The following AUH variants were observed in gnomAD, a reference collection of about 807,000 sequenced individuals.
AUH encodes the protein methylglutaconyl-CoA hydratase, mitochondrial.
In AUH, 29 loss-of-function variants were observed where a neutral mutation model predicts 42.3. The observed-to-expected ratio is 0.69, with a 90% CI of 0.51 to 0.93. The LOEUF (loss-of-function observed/expected upper bound fraction) is 0.93, where lower values mean the gene tolerates loss of function less well. Among genes scored for constraint, AUH ranks in the 40% least tolerant of loss-of-function variants. The pLI, the probability that AUH is intolerant of heterozygous loss-of-function variation, is 0.00. For missense variants in AUH, 452 were observed against 438.1 expected, an observed-to-expected ratio of 1.03 and a Z score of -0.28; for synonymous variants, 174 against 166.4, an observed-to-expected ratio of 1.05 and a Z score of -0.35.
At chr9:91,309,577 C>T (rs1021902210) in intron 4 of AUH, among the ~76,000 whole-genome samples, 7 of 152,216 alleles carry the variant, frequency 4.6e-5, no homozygotes, top group Middle Eastern at 3.4e-3. Flanking sequence ...TCAAATACTG[C>T]CATGTTCTCA....
At chr9:91,257,964 C>A (rs1432709936) in intron 6 of AUH, among the ~76,000 whole-genome samples, 1 of 152,160 alleles carries the variant, frequency 6.6e-6, no homozygotes, top group East Asian at 1.9e-4. Context: ...GTCTACAGAT[C>A]TTGCAAATAT....
At chr9:91,274,005 G>A (rs572703450) in intron 6 of AUH, among the ~76,000 whole-genome samples, 6 of 152,220 alleles carry the variant, frequency 3.9e-5, no homozygotes, top group East Asian at 1.9e-4. Flanking sequence ...TAAAAATAAC[G>A]GGCACACAAG....
chr9:91,327,687 CT>C (rs1291965631), intron 3 of AUH, among the ~76,000 whole-genome samples: 3 of 152,220 alleles, frequency 2.0e-5, no homozygotes, highest in Non-Finnish European at 4.4e-5. Context: ...TGTGATGCCC[CT>C]GGCCGGCTCG....
At chr9:91,307,819 G>A (rs1828348417) in intron 4 of AUH, among the ~76,000 whole-genome samples, 1 of 152,052 alleles carries the variant, frequency 6.6e-6, no homozygotes, top group Non-Finnish European at 1.5e-5. Context: ...ATCCACTAGG[G>A]GTCTTGGAGT....
chr9:91,351,960 G>A (rs564544351), intron 3 of AUH, among the ~76,000 whole-genome samples: 23 of 152,222 alleles, frequency 1.5e-4, no homozygotes, highest in African/African-American at 4.6e-4. Context: ...AACAGAAAAC[G>A]TACAGTAAAA....
Position 91,268,911 on chromosome 9 carries a change from A to G in AUH, c.655+27110T>C, listed in dbSNP as rs745604567. On this transcript the variant is annotated intron_variant, in intron 6 of 9. Transcript: ENST00000375731. Reference sequence around the variant, plus strand: ...TGTATTTAATAGACAAGAATATAAAACAAGATGCTGGCATGACTACTATTA... The same window carrying G: ...TGTATTTAATAGACAAGAATATAAAGCAAGATGCTGGCATGACTACTATTA... 2.0e-4 allele frequency among the ~76,000 whole-genome samples: 30 copies of G among 152,218 alleles called. 1 individual carries two copies. Among genetic ancestry groups the G allele is most frequent in the African/African-American group, 2.9e-4 (12 of 41,464 alleles).
chr9:91,251,264 G>A (rs941905763), intron 6 of AUH, among the ~76,000 whole-genome samples: 1 of 152,160 alleles, frequency 6.6e-6, no homozygotes, highest in African/African-American at 2.4e-5. Context: ...CATGGTTGAG[G>A]TGCTGAGCTC....
intron 6 of AUH, among the ~76,000 whole-genome samples, chr9:91,273,716 T>C (rs780153671): frequency 1.4e-4 from 21 of 152,118 alleles, no homozygotes; most frequent in Non-Finnish European, 2.4e-4. Context: ...GGCAAATCAG[T>C]AAAAAATAAT....
At chr9:91,248,150 G>T (rs1828899657) in intron 6 of AUH, among the ~76,000 whole-genome samples, 1 of 152,016 alleles carries the variant, frequency 6.6e-6, no homozygotes, top group South Asian at 2.1e-4. Context: ...CTGTTTTTAG[G>T]TTTTACATTT....
chr9:91,229,812 T>C (rs1827758941), intron 6 of AUH, among the ~76,000 whole-genome samples: 2 of 149,804 alleles, frequency 1.3e-5, no homozygotes, highest in Non-Finnish European at 1.5e-5. Flanking sequence ...CCTTCACTTA[T>C]GAAGCTTAGT....
At chr9:91,301,202 T>G (rs1400305207) in intron 4 of AUH, among the ~76,000 whole-genome samples, 1 of 152,072 alleles carries the variant, frequency 6.6e-6, no homozygotes, top group Non-Finnish European at 1.5e-5. Context: ...AAAGAGTGGG[T>G]GCTCCCTCCC....
rs529002962 is a variant in AUH, at chr9:91,245,923, G to A, written c.656-24931C>T. On this transcript the variant is annotated intron_variant, in intron 6 of 9. Transcript: ENST00000375731. ...TTGTCTAAAGCTGGCAAGATGTGACGGGGATGGGGACAGGAGCAGGGCCCA... is the reference window on the plus strand; with the variant it reads ...TTGTCTAAAGCTGGCAAGATGTGACAGGGATGGGGACAGGAGCAGGGCCCA... Among the ~76,000 whole-genome samples, 9 of 152,262 alleles carry A rather than the reference G, an allele frequency of 5.9e-5. No homozygotes were observed. In the South Asian group the frequency reaches 1.0e-3, roughly 18 times the overall value.
At chr9:91,308,999 C>G (rs1396077579) in intron 4 of AUH, among the ~76,000 whole-genome samples, 1 of 151,788 alleles carries the variant, frequency 6.6e-6, no homozygotes, top group African/African-American at 2.4e-5. Context: ...ACCCTGTTGG[C>G]CAGGCTGGTC....
chr9:91,323,226 G>T (rs541804390), intron 4 of AUH, among the ~76,000 whole-genome samples: 2 of 152,190 alleles, frequency 1.3e-5, no homozygotes, highest in South Asian at 4.1e-4. Flanking sequence ...TTACTTATAG[G>T]TAATTACCTA....
intron 6 of AUH, among the ~76,000 whole-genome samples, chr9:91,271,575 T>G (rs1825127658): frequency 6.6e-6 from 1 of 152,256 alleles, no homozygotes; most frequent in South Asian, 2.1e-4. Context: ...GAAGACTACG[T>G]TTAGTAGGGC....
intron 8 of AUH, 100 bp downstream of exon 8, chr9:91,217,177 T>A (rs1826868218): frequency 7.9e-6 from 10 of 1,269,562 alleles, no homozygotes; most frequent in Non-Finnish European, 1.1e-5. Context: ...ACAACCATAT[T>A]TTAGAACTTT....
intron 4 of AUH, among the ~76,000 whole-genome samples, chr9:91,322,470 G>C (rs1829656555): frequency 6.6e-6 from 1 of 152,166 alleles, no homozygotes; most frequent in Non-Finnish European, 1.5e-5. Context: ...TACCAGCACA[G>C]AATGAGAAGA....
chr9:91,228,037 G>A (rs1419264262), intron 6 of AUH, among the ~76,000 whole-genome samples: 15 of 152,148 alleles, frequency 9.9e-5, no homozygotes, highest in Non-Finnish European at 1.9e-4. Flanking sequence ...GTGTCTGCCC[G>A]GCTTTGGTAT....
Position 91,217,258 on chromosome 9 carries a change from C to G in AUH, c.894+19G>C, listed in dbSNP as rs377735590. Reference sequence around the variant, plus strand: ...CCACTCTCCATTCCCAAAACAAACTCAAGCATTAAGGAACCTACCTCCATC... The same window carrying G: ...CCACTCTCCATTCCCAAAACAAACTGAAGCATTAAGGAACCTACCTCCATC... On this transcript the variant is annotated intron_variant, in intron 8 of 9. Coordinates refer to ENST00000375731, the MANE Select transcript of AUH (RefSeq NM_001698.3). 2.7e-5 allele frequency: 43 copies of G among 1,610,756 alleles called. 1 individual carries two copies. The Middle Eastern group carries it at 3.9e-3, about 148-fold the overall frequency.
Sources: gnomAD v4.1 joint callset for allele counts (sites outside exome capture counted in the v4.1 genomes callset) on GRCh38, gnomAD v4.1.1 for gene constraint, MANE v1.5 for transcripts, NCBI Gene and HGNC (gene_info 2026-07-23, HGNC 2026-07-21) for gene names.